Variants in INTS2 observed in about 807,000 individuals in gnomAD.
INTS2 encodes the protein integrator complex subunit 2.
Under a neutral mutation model 139.6 loss-of-function variants are expected in INTS2, and 57 were observed. The ratio of observed to expected loss-of-function variants is 0.41; its 90% CI spans 0.33 to 0.51. The LOEUF (loss-of-function observed/expected upper bound fraction) is 0.51, where lower values mean the gene tolerates loss of function less well. INTS2 is among the 20% of genes least tolerant of loss of function. The probability of loss-of-function intolerance (pLI) is 0.28; values close to 1 mark genes in which losing one functional copy is unlikely to be tolerated. For synonymous variants in INTS2, 473 were observed against 493.4 expected (o/e 0.96, Z 0.55); for missense variants, 1,196 against 1,436.7 (o/e 0.83, Z 2.71).
Position 61,873,629 on chromosome 17 carries a change from T to C in INTS2, c.2583-1169A>G, listed in dbSNP as rs776152499. ...TCCTTTTATTAGATACTTAACATCA[T>C]TTACATACACAGTTTGTTCTGATTC... On this transcript the variant is annotated intron_variant, in intron 19 of 24. Coordinates refer to ENST00000251334, the MANE Select transcript of INTS2 (RefSeq NM_001351695.2). The surrounding 1 kb of genome is among the most constrained non-coding windows in gnomAD (Gnocchi z 4.0). Among the ~76,000 whole-genome samples, 1 of 152,202 alleles carries C rather than the reference T, an allele frequency of 6.6e-6. No homozygotes were observed. The highest frequency in any genetic ancestry group is 2.4e-5 in the African/African-American group (1 of 41,452).
chr17:61,883,430 C>T (rs2079195646), intron 16 of INTS2, among the ~76,000 whole-genome samples: 1 of 150,516 alleles, frequency 6.6e-6, no homozygotes, highest in Non-Finnish European at 1.5e-5. Context: ...AATGAAGGCT[C>T]ATGTTTCTCC....
rs2079365670 is a variant in INTS2 at position 61,897,918 on chromosome 17, C to CTAGA, written c.1308-183_1308-180dup. Among the ~76,000 whole-genome samples, 1 of 152,130 alleles carries CTAGA rather than the reference C, an allele frequency of 6.6e-6. No homozygotes were observed. Among genetic ancestry groups the CTAGA allele is most frequent in the Non-Finnish European group, 1.5e-5 (1 of 68,034 alleles). ...ATTGTCATTGAGGTATGAAGTAATTCTAGAGCTCAAGAATGAGGACCTTTG... is the reference window on the plus strand; with the variant it reads ...ATTGTCATTGAGGTATGAAGTAATTCTAGATAGAGCTCAAGAATGAGGACCTTTG... On this transcript the variant is annotated intron_variant, in intron 9 of 24. Coordinates refer to ENST00000251334, the MANE Select transcript of INTS2 (RefSeq NM_001351695.2). The surrounding 1 kb of genome is among the most constrained non-coding windows in gnomAD (Gnocchi z 4.4).
intron 15 of INTS2, among the ~76,000 whole-genome samples, chr17:61,888,564 CGT>C (rs149283427): frequency 0.026 from 3,078 of 119,366 alleles, 47 homozygotes; most frequent in African/African-American, 0.029. Context: ...TGTGTGCGTG[CGT>C]GTGTGTGTGT....
intron 9 of INTS2, among the ~76,000 whole-genome samples, chr17:61,901,573 A>ATTTTT (rs1477309662): frequency 2.5e-5 from 2 of 80,164 alleles, no homozygotes. Flanking sequence ...AGGCAGAATG[A>ATTTTT]TTTCTTTTTT....
Position 61,927,935 on chromosome 17 carries a change from C to G in INTS2, c.-300G>C, listed in dbSNP as rs1365440946. On this transcript the variant is annotated 5_prime_UTR_variant, in exon 1 of 25. Transcript: ENST00000251334. The stretch of plus-strand genomic sequence containing the variant: ...GACTTTTTCAACCTGCACCCAGCAC[C>G]TTCATTCATCCCCAGCGTCTGACTC... The G allele has an allele frequency of 6.2e-6, 10 of 1,613,896 alleles. No individual in the cohort carries two copies. The South Asian group carries it at 1.1e-4, about 18-fold the overall frequency.
At chr17:61,915,394 C>T (rs535409207) in intron 5 of INTS2, among the ~76,000 whole-genome samples, 11 of 150,910 alleles carry the variant, frequency 7.3e-5, no homozygotes, top group African/African-American at 2.7e-4. Flanking sequence ...GGTGTGGTGG[C>T]CCATGCCTGT....
At chr17:61,889,954 T>A in intron 14 of INTS2, 60 bp from the exon 15 acceptor site, 1 of 1,017,048 alleles carries the variant, frequency 9.8e-7, no homozygotes, top group Non-Finnish European at 1.5e-6. Context: ...CTTTTTTTTT[T>A]CTTGATAGTA....
chr17:61,889,799 G>A lies in INTS2; in HGVS notation c.1971C>T (p.Asn657=). The A allele has an allele frequency of 6.3e-7, 1 of 1,580,758 alleles. No individual in the cohort carries two copies. The highest frequency in any genetic ancestry group is 8.7e-7 in the Non-Finnish European group (1 of 1,151,486). ...ILSYEEALLA[N]TKTLAAMQRK... ...CGTACAACTTACCTAAAGTCTTCGT[G>A]TTTGCTAGAAGAGCCTCTTCATAAG... Residue 657 remains asparagine (N), a synonymous_variant, in exon 15 of 25, where the codon AAC becomes AAT. Coordinates refer to ENST00000251334, the MANE Select transcript of INTS2 (RefSeq NM_001351695.2).
rs1567904160 is a variant in INTS2 at position 61,897,662 on chromosome 17, T to A, written c.1379+6A>T. The A allele has an allele frequency of 6.3e-7, 1 of 1,599,612 alleles. No individual in the cohort carries two copies. The stretch of plus-strand genomic sequence containing the variant: ...TTTCTCAACTAACTAAATCAAATTA[T>A]CTTACCTCTCAAAATACGCTTCTTC... On this transcript the variant is annotated splice_donor_region_variant and intron_variant, in intron 10 of 24. Coordinates refer to ENST00000251334, the MANE Select transcript of INTS2 (RefSeq NM_001351695.2). The surrounding 1 kb of genome is among the most constrained non-coding windows in gnomAD (Gnocchi z 4.4).
rs2079076441 is a variant in INTS2 at position 61,869,991 on chromosome 17, A to G, written c.2779-3T>C. ...AGAATCTGGACAGCTGCACTATCCT[A>G]TAAGCAAACAAAACATAGAAAAAGT... On this transcript the variant is annotated splice_polypyrimidine_tract_variant and splice_region_variant and intron_variant, in intron 20 of 24. Transcript: ENST00000251334. This position sits in a 1 kb window ranked among gnomAD's most constrained non-coding sequence, Gnocchi z 5.4. The G allele has an allele frequency of 6.3e-7, 1 of 1,590,642 alleles. No homozygotes were observed. Among genetic ancestry groups the G allele is most frequent in the East Asian group, 2.2e-5 (1 of 44,598 alleles).
chr17:61,904,728 A>G, intron 8 of INTS2, 143 bp from the exon 9 acceptor site: 1 of 684,420 alleles, frequency 1.5e-6, no homozygotes, highest in Non-Finnish European at 2.4e-6. Flanking sequence ...CAAGTTGCCA[A>G]ATGCAAAACT....
rs2079066971 is a variant in INTS2, at chr17:61,868,940, T to C, written c.3244+94A>G. ...CATATTGTATCATACTGTCTCAGAG[T>C]GACAGAAAAAACATATTGCATCACT... On this transcript the variant is annotated intron_variant, in intron 23 of 24. Coordinates refer to ENST00000251334, the MANE Select transcript of INTS2 (RefSeq NM_001351695.2). The surrounding 1 kb of genome is among the most constrained non-coding windows in gnomAD (Gnocchi z 4.7). The C allele has an allele frequency of 1.4e-6, 1 of 733,238 alleles. No homozygotes were observed. Among genetic ancestry groups the C allele is most frequent in the Non-Finnish European group, 2.4e-6 (1 of 422,394 alleles). The allele number at this position is 733,238 out of a possible 1,614,324, so 45.4% of individuals were successfully genotyped here. A position where few individuals can be genotyped will look rare whatever the true frequency, so the allele number is the denominator to read the frequency against.
At position 61,921,944 on chromosome 17, in the gene INTS2, C is replaced by T. The variant is rs533139817; in HGVS notation, c.433-117G>A. On this transcript the variant is annotated intron_variant, in intron 3 of 24. Coordinates refer to ENST00000251334, the MANE Select transcript of INTS2 (RefSeq NM_001351695.2). ...GTCTCTTAATGTATCACTAATATAC[C>T]ACAGCAGAATATGCAGTATTCAATC... The T allele has an allele frequency of 7.0e-6, 4 of 573,400 alleles. No homozygotes were observed. The East Asian group carries it at 1.1e-4, about 16-fold the overall frequency. The allele number at this position is 573,400 out of a possible 1,614,324, so 35.5% of individuals were successfully genotyped here. A position where few individuals can be genotyped will look rare whatever the true frequency, so the allele number is the denominator to read the frequency against.
rs1046647083 is a variant in INTS2, at chr17:61,870,338, T to C, written c.2779-350A>G. Reference sequence around the variant, plus strand: ...GAAGAGTATCATGAATTCAGTTACATCCAAAACAGGCCCTAGGCAAAAATG... The same window carrying C: ...GAAGAGTATCATGAATTCAGTTACACCCAAAACAGGCCCTAGGCAAAAATG... On this transcript the variant is annotated intron_variant, in intron 20 of 24. Coordinates refer to ENST00000251334, the MANE Select transcript of INTS2 (RefSeq NM_001351695.2). This position sits in a 1 kb window ranked among gnomAD's most constrained non-coding sequence, Gnocchi z 4.4. Among the ~76,000 whole-genome samples, 2 of 152,198 alleles carry C rather than the reference T, an allele frequency of 1.3e-5. No homozygotes were observed. The highest frequency in any genetic ancestry group is 2.9e-5 in the Non-Finnish European group (2 of 68,036).
intron 4 of INTS2, chr17:61,921,486 C>T (rs763443068): frequency 5.3e-5 from 15 of 281,554 alleles, no homozygotes; most frequent in Non-Finnish European, 6.6e-5. Context: ...AAATCATTAA[C>T]GAGCATTAAA....
At chr17:61,915,148 T>A (rs1173338681) in intron 5 of INTS2, among the ~76,000 whole-genome samples, 1 of 149,406 alleles carries the variant, frequency 6.7e-6, no homozygotes, top group Non-Finnish European at 1.5e-5. Context: ...ACCATCCTGG[T>A]TAACACAGTG....
intron 5 of INTS2, among the ~76,000 whole-genome samples, chr17:61,918,010 A>G (rs1407827663): frequency 6.6e-6 from 1 of 152,238 alleles, no homozygotes; most frequent in Non-Finnish European, 1.5e-5. Context: ...GAGCTTTGAA[A>G]TACATGAAGC....
chr17:61,910,145 G>C, intron 7 of INTS2: 1 of 152,114 alleles, frequency 6.6e-6, no homozygotes, highest in East Asian at 1.9e-4. Flanking sequence ...CATACAAAAG[G>C]AGAAATATTG....
intron 15 of INTS2, among the ~76,000 whole-genome samples, chr17:61,888,880 C>G (rs1253275825): frequency 6.6e-6 from 1 of 151,942 alleles, no homozygotes; most frequent in African/African-American, 2.4e-5. Flanking sequence ...AAAAAATTAG[C>G]CGGGCGTCGT....
Sources: allele counts gnomAD v4.1 joint callset (sites outside exome capture counted in the v4.1 genomes callset), GRCh38; gene constraint gnomAD v4.1.1; non-coding constraint Gnocchi (gnomAD v3.1); transcripts MANE v1.5; gene names NCBI Gene and HGNC (gene_info 2026-07-23, HGNC 2026-07-21).